Variants in LRRC8D observed in about 807,000 individuals in gnomAD.
The protein encoded by LRRC8D is volume-regulated anion channel subunit LRRC8D.
In LRRC8D, 20 loss-of-function variants were observed where a neutral mutation model predicts 55.8. The observed-to-expected ratio is 0.36, with a 90% confidence interval of 0.25 to 0.52. The LOEUF (loss-of-function observed/expected upper bound fraction) is 0.52, where lower values mean the gene tolerates loss of function less well. LRRC8D is among the 20% of genes least tolerant of loss of function. The probability of loss-of-function intolerance (pLI) is 0.93; values close to 1 mark genes in which losing one functional copy is unlikely to be tolerated. For missense variants in LRRC8D, 651 were observed against 1,030.8 expected, an observed-to-expected ratio of 0.63 and a Z score of 5.05; for synonymous variants, 352 against 377.0, an observed-to-expected ratio of 0.93 and a Z score of 0.77.
intron 2 of LRRC8D, among the ~76,000 whole-genome samples, chr1:89,880,520 T>C (rs1347106451): frequency 6.6e-6 from 1 of 151,646 alleles, no homozygotes; most frequent in Non-Finnish European, 1.5e-5. Flanking sequence ...GAGATTTAGG[T>C]TCATTATCCA....
intron 2 of LRRC8D, among the ~76,000 whole-genome samples, chr1:89,902,877 G>A (rs1662898575): frequency 6.6e-6 from 1 of 152,140 alleles, no homozygotes; most frequent in Admixed American, 6.5e-5. Context: ...GGGAACATTT[G>A]GCTTTTGCAT....
chr1:89,923,810 C>T (rs1282165423), intron 2 of LRRC8D, among the ~76,000 whole-genome samples: 1 of 152,126 alleles, frequency 6.6e-6, no homozygotes, highest in Non-Finnish European at 1.5e-5. Context: ...ACAAAGTCGA[C>T]AGTAACAAAC....
chr1:89,852,908 G>T (rs564624795), intron 2 of LRRC8D, among the ~76,000 whole-genome samples: 84 of 152,292 alleles, frequency 5.5e-4, no homozygotes, highest in African/African-American at 1.9e-3. Flanking sequence ...TTGGGTTCTT[G>T]GTCAAACCCA....
chr1:89,827,180 G>A (rs1320433525), intron 1 of LRRC8D, among the ~76,000 whole-genome samples: 13 of 151,908 alleles, frequency 8.6e-5, no homozygotes, highest in African/African-American at 2.2e-4. Flanking sequence ...GTGAAACCCC[G>A]TCTCTACTAA....
chr1:89,889,406 A>G (rs1276554047), intron 2 of LRRC8D, among the ~76,000 whole-genome samples: 8 of 152,152 alleles, frequency 5.3e-5, no homozygotes, highest in Non-Finnish European at 1.2e-4. Context: ...AAAGAACATT[A>G]GGTAAAGACC....
At chr1:89,844,421 A>G (rs1661221708) in intron 2 of LRRC8D, among the ~76,000 whole-genome samples, 1 of 152,224 alleles carries the variant, frequency 6.6e-6, no homozygotes, top group Non-Finnish European at 1.5e-5. Flanking sequence ...GGTAGGGACC[A>G]GGAATGAGGC....
chr1:89,900,658 T>C lies in LRRC8D; in HGVS notation c.-2-32409T>C, dbSNP rs1377797310. Among the ~76,000 whole-genome samples the C allele has an allele frequency of 2.6e-5, 4 of 152,336 alleles. No individual in the cohort carries two copies. The East Asian group carries it at 7.7e-4, about 29-fold the overall frequency. On this transcript the variant is annotated intron_variant, in intron 2 of 2. Coordinates refer to ENST00000337338, the MANE Select transcript of LRRC8D (RefSeq NM_001134479.2). The stretch of plus-strand genomic sequence containing the variant: ...AGGCTGATTTTATAAAGAAAGTCTT[T>C]GGAGCTCAGGAAGTCTGAAAGCTAA...
chr1:89,903,113 C>G (rs963859384), intron 2 of LRRC8D, among the ~76,000 whole-genome samples: 1 of 152,160 alleles, frequency 6.6e-6, no homozygotes, highest in Non-Finnish European at 1.5e-5. Flanking sequence ...CCTGACATCA[C>G]ACAGCTAATA....
chr1:89,857,211 C>T (rs1426030403), intron 2 of LRRC8D, among the ~76,000 whole-genome samples: 2 of 151,582 alleles, frequency 1.3e-5, no homozygotes, highest in Admixed American at 6.6e-5. Context: ...GGAGAAACCC[C>T]GTCTCTACTA....
At chr1:89,832,809 C>G (rs967498285) in intron 1 of LRRC8D, among the ~76,000 whole-genome samples, 1 of 152,200 alleles carries the variant, frequency 6.6e-6, no homozygotes, top group Non-Finnish European at 1.5e-5. Context: ...TTATAAAATA[C>G]ACTTAAAAAA....
chr1:89,822,988 C>T (rs1660677550), intron 1 of LRRC8D, among the ~76,000 whole-genome samples: 1 of 152,094 alleles, frequency 6.6e-6, no homozygotes, highest in African/African-American at 2.4e-5. Flanking sequence ...GGTGTTTGGT[C>T]TCTGTAGGTT....
chr1:89,827,343 CAAA>C (rs35690511), intron 1 of LRRC8D, among the ~76,000 whole-genome samples: 29 of 105,042 alleles, frequency 2.8e-4, no homozygotes, highest in African/African-American at 2.5e-4. Flanking sequence ...GAGACTGTCT[CAAA>C]AAAAAAAAAA....
intron 2 of LRRC8D, among the ~76,000 whole-genome samples, chr1:89,850,218 A>G (rs572310973): frequency 3.3e-5 from 5 of 152,266 alleles, no homozygotes; most frequent in South Asian, 2.1e-4. Context: ...TGAGATCTCT[A>G]TTTGGTTCCA....
intron 2 of LRRC8D, among the ~76,000 whole-genome samples, chr1:89,900,625 G>A (rs1393256601): frequency 6.6e-6 from 1 of 152,240 alleles, no homozygotes; most frequent in Non-Finnish European, 1.5e-5. Flanking sequence ...GTATCTCTCA[G>A]AGAAAGGAGG....
rs1454360882 is a variant in LRRC8D, at chr1:89,935,071, A to G, written c.2003A>G (p.Asn668Ser). 2 of 1,614,224 alleles carry G rather than the reference A, an allele frequency of 1.2e-6. No individual in the cohort carries two copies. The highest frequency in any genetic ancestry group is 8.5e-7 in the Non-Finnish European group (1 of 1,180,032). Residue 668 changes from asparagine (N) to serine (S), a missense_variant, in exon 3 of 3, where the codon AAT becomes AGT. Asn to Ser is a conservative substitution (Grantham distance 46). Coordinates refer to ENST00000337338, the MANE Select transcript of LRRC8D (RefSeq NM_001134479.2). ...SNLQELDLKS[N>S]NIRTIEEIIS... is the part of the protein sequence containing the mutation. The stretch of plus-strand genomic sequence containing the variant: ...TTACAGGAACTGGATTTAAAGTCCA[A>G]TAACATTCGCACAATTGAGGAAATC...
chr1:89,905,117 CATAAA>C (rs1662957612), intron 2 of LRRC8D, among the ~76,000 whole-genome samples: 1 of 152,120 alleles, frequency 6.6e-6, no homozygotes, highest in South Asian at 2.1e-4. Context: ...TTTCAGCACA[CATAAA>C]AGAAGCCTCT....
chr1:89,888,488 T>C (rs948917063), intron 2 of LRRC8D, among the ~76,000 whole-genome samples: 18 of 152,240 alleles, frequency 1.2e-4, no homozygotes, highest in Admixed American at 7.2e-4. Context: ...TTTATAGATA[T>C]GTGTATATAC....
At chr1:89,821,438 C>T (rs1030134079) in intron 1 of LRRC8D, 147 bp downstream of exon 1, 8 of 152,452 alleles carry the variant, frequency 5.2e-5, no homozygotes, top group East Asian at 3.9e-4. Context: ...TCGGGGACGT[C>T]CGGGGGTCGG....
At chr1:89,919,133 A>G (rs1663349315) in intron 2 of LRRC8D, among the ~76,000 whole-genome samples, 1 of 152,216 alleles carries the variant, frequency 6.6e-6, no homozygotes, top group Non-Finnish European at 1.5e-5. Context: ...TACTGGCTAG[A>G]ATCTCCTAAT....
Sources: gnomAD v4.1 joint callset for allele counts (sites outside exome capture counted in the v4.1 genomes callset) on GRCh38, gnomAD v4.1.1 for gene constraint, MANE v1.5 for transcripts, NCBI Gene and HGNC (gene_info 2026-07-23, HGNC 2026-07-21) for gene names.